The following PCDH7 variants were observed in gnomAD, a reference collection of about 807,000 sequenced individuals.
PCDH7 encodes protocadherin 7.
In PCDH7, 17 loss-of-function variants were observed where a neutral mutation model predicts 58.9. The observed-to-expected ratio is 0.29, with a 90% CI of 0.20 to 0.43. The LOEUF (loss-of-function observed/expected upper bound fraction) is 0.43. Among genes scored for constraint, PCDH7 ranks in the 20% least tolerant of loss-of-function variants. The pLI, the probability that PCDH7 is intolerant of heterozygous loss-of-function variation, is 1.00. For missense variants in PCDH7, 1,274 were observed against 1,441.0 expected, an observed-to-expected ratio of 0.88 and a Z score of 1.88; for synonymous variants, 664 against 616.4, an observed-to-expected ratio of 1.08 and a Z score of -1.14.
At chr4:31,142,905 C>CA (rs996375136) in exon 4 of PCDH7, 2 of 1,247,356 alleles carry the variant, frequency 1.6e-6, no homozygotes, top group Non-Finnish European at 2.1e-6. Context: ...GAATAAGGGG[C>CA]AAAAACCTTA....
chr4:30,731,115 T>C lies in PCDH7; in HGVS notation c.*327T>C, dbSNP rs1033506615. 3.8e-6 allele frequency: 4 copies of C among 1,046,162 alleles called. No individual in the cohort carries two copies. The African/African-American group carries it at 6.7e-5, about 18-fold the overall frequency. 64.8% of individuals were successfully genotyped at this position (1,046,162 alleles called of 1,614,324 possible). On this transcript the variant is annotated 3_prime_UTR_variant, in exon 2 of 2. Transcript: ENST00000361762. Reference sequence around the variant, plus strand: ...AAAATCCAAAAGCATATTGCAACAATAAGTTTGAGACTTTGTGTGAACAAA... The same window carrying C: ...AAAATCCAAAAGCATATTGCAACAACAAGTTTGAGACTTTGTGTGAACAAA...
intron 3 of PCDH7, among the ~76,000 whole-genome samples, chr4:31,017,282 T>C (rs954428154): frequency 5.3e-5 from 8 of 152,214 alleles, no homozygotes; most frequent in Admixed American, 5.2e-4. Flanking sequence ...CAAAATTGAA[T>C]TAAGTAATAG....
chr4:31,084,315 T>C (rs1712026983), intron 3 of PCDH7, among the ~76,000 whole-genome samples: 1 of 152,168 alleles, frequency 6.6e-6, no homozygotes, highest in Non-Finnish European at 1.5e-5. Flanking sequence ...TATAGGTTCA[T>C]TTGTAGGGAC....
At chr4:30,894,492 T>A (rs1433604230) in intron 1 of PCDH7, among the ~76,000 whole-genome samples, 787 of 29,332 alleles carry the variant, frequency 0.027, 8 homozygotes, top group East Asian at 0.036. Context: ...AAAAAAAAAA[T>A]ATATATATAT....
At chr4:30,958,322 T>C (rs2109455914) in intron 3 of PCDH7, among the ~76,000 whole-genome samples, 1 of 152,138 alleles carries the variant, frequency 6.6e-6, no homozygotes, top group South Asian at 2.1e-4. Flanking sequence ...ATTTCGTGGA[T>C]ATATGAGTGG....
intron 1 of PCDH7, among the ~76,000 whole-genome samples, chr4:30,827,276 A>T (rs1255329233): frequency 6.6e-6 from 1 of 152,138 alleles, no homozygotes; most frequent in Non-Finnish European, 1.5e-5. Flanking sequence ...TAGATATTGC[A>T]ATTTCCATTT....
intron 3 of PCDH7, among the ~76,000 whole-genome samples, chr4:31,037,497 T>G (rs1371317599): frequency 6.6e-6 from 1 of 152,216 alleles, no homozygotes; most frequent in Non-Finnish European, 1.5e-5. Flanking sequence ...AGCCATGTTC[T>G]ATGTTACTGG....
chr4:30,815,944 A>T (rs1727619822), intron 1 of PCDH7, among the ~76,000 whole-genome samples: 1 of 152,214 alleles, frequency 6.6e-6, no homozygotes, highest in South Asian at 2.1e-4. Context: ...CAACTCTAAG[A>T]GTATCTCACT....
chr4:30,964,535 C>A (rs1259632287), intron 3 of PCDH7, among the ~76,000 whole-genome samples: 1 of 152,050 alleles, frequency 6.6e-6, no homozygotes, highest in Non-Finnish European at 1.5e-5. Context: ...GCCACCGCAC[C>A]CGGCCCAGTA....
chr4:30,905,915 T>C (rs111784668), intron 1 of PCDH7, among the ~76,000 whole-genome samples: 50 of 152,298 alleles, frequency 3.3e-4, no homozygotes, highest in African/African-American at 1.0e-3. Context: ...GAATTCAATA[T>C]TTTTATGAGG....
At chr4:31,144,655 A>G (rs1255760576), downstream of PCDH7, 2 of 152,148 alleles carry the variant, frequency 1.3e-5, no homozygotes, top group African/African-American at 4.8e-5. Context: ...ATAATTCACT[A>G]TAGGTCTTCA....
chr4:31,094,613 G>T (rs759574646), intron 3 of PCDH7, among the ~76,000 whole-genome samples: 1 of 152,180 alleles, frequency 6.6e-6, no homozygotes, highest in African/African-American at 2.4e-5. Context: ...CCAGCAGTGG[G>T]ACTGGGAGCA....
chr4:30,934,537 A>G (rs768090036), intron 2 of PCDH7, among the ~76,000 whole-genome samples: 3 of 152,088 alleles, frequency 2.0e-5, no homozygotes, highest in Non-Finnish European at 4.4e-5. Context: ...CTCGGGCTTC[A>G]TATTTTCTTT....
rs1436138084 is a variant in PCDH7, at chr4:31,021,379, G to A, written c.*7+71164G>A. Among the ~76,000 whole-genome samples, 4 of 152,266 alleles carry A rather than the reference G, an allele frequency of 2.6e-5. No homozygotes were observed. The East Asian group carries it at 7.7e-4, about 29-fold the overall frequency. On this transcript the variant is annotated intron_variant, in intron 3 of 3. Coordinates refer to the PCDH7 transcript ENST00000509759. ...CTTTCAGACCTTCTATGGAGGAATT[G>A]TCTCGACCAACATGGGCTAGAAAGA...
At chr4:31,044,613 G>A (rs1756140268) in intron 3 of PCDH7, among the ~76,000 whole-genome samples, 1 of 151,634 alleles carries the variant, frequency 6.6e-6, no homozygotes, top group Non-Finnish European at 1.5e-5. Flanking sequence ...AATATATGTG[G>A]GATAATACAT....
chr4:30,902,536 A>C (rs1452844041), intron 1 of PCDH7, among the ~76,000 whole-genome samples: 1 of 152,158 alleles, frequency 6.6e-6, no homozygotes, highest in Non-Finnish European at 1.5e-5. Flanking sequence ...GAGCAGAAAC[A>C]CTGGTGAATC....
chr4:30,887,009 T>G, intron 1 of PCDH7, among the ~76,000 whole-genome samples: 2 of 140,652 alleles, frequency 1.4e-5, no homozygotes, highest in Admixed American at 7.0e-5. Flanking sequence ...AGGGATAGCA[T>G]TGGGAGATAT....
chr4:31,116,832 T>C (rs544690628), intron 3 of PCDH7, among the ~76,000 whole-genome samples: 1 of 152,120 alleles, frequency 6.6e-6, no homozygotes, highest in Admixed American at 6.6e-5. Context: ...GTTTTTTTGT[T>C]GTTGTTGTTT....
chr4:31,068,863 CAT>C (rs1459077113), intron 3 of PCDH7, among the ~76,000 whole-genome samples: 1 of 151,982 alleles, frequency 6.6e-6, no homozygotes, highest in Non-Finnish European at 1.5e-5. Context: ...CCCCGTGACT[CAT>C]ATAAGCCATA....
Sources: allele counts gnomAD v4.1 joint callset (sites outside exome capture counted in the v4.1 genomes callset), GRCh38; gene constraint gnomAD v4.1.1; transcripts MANE v1.5; gene names NCBI Gene and HGNC (gene_info 2026-07-23, HGNC 2026-07-21).